Variants in IL15 observed in about 807,000 individuals in gnomAD.
IL15 encodes the protein interleukin-15.
IL15 carries 11 observed loss-of-function variants against 19.6 expected under a neutral mutation model. The ratio of observed to expected loss-of-function variants is 0.56; its 90% CI spans 0.35 to 0.93. IL15 has a LOEUF of 0.93. Among genes scored for constraint, IL15 ranks in the 40% least tolerant of loss-of-function variants. The pLI, the probability that IL15 is intolerant of heterozygous loss-of-function variation, is 0.01. For missense variants in IL15, 197 were observed against 186.5 expected (o/e 1.06, Z -0.33); for synonymous variants, 58 against 59.6 (o/e 0.97, Z 0.12).
chr4:141,714,793 C>T (rs1031507110), intron 2 of IL15: 1 of 152,040 alleles, frequency 6.6e-6, no homozygotes, highest in African/African-American at 2.4e-5. Flanking sequence ...TTTTATAATC[C>T]TTGACCTAAT....
At chr4:141,697,416 C>T (rs896793312) in intron 2 of IL15, among the ~76,000 whole-genome samples, 8 of 151,762 alleles carry the variant, frequency 5.3e-5, no homozygotes, top group Non-Finnish European at 7.4e-5. Flanking sequence ...ACTATATCCT[C>T]GAAGTGTGAT....
At chr4:141,637,264 A>T (rs1560895627) in intron 1 of IL15, 1 of 152,176 alleles carries the variant, frequency 6.6e-6, no homozygotes, top group Non-Finnish European at 1.5e-5. Context: ...CCCGTCCCAA[A>T]CTCATTGTGG....
At chr4:141,662,676 A>C (rs1279565372) in intron 2 of IL15, among the ~76,000 whole-genome samples, 2 of 152,010 alleles carry the variant, frequency 1.3e-5, no homozygotes, top group African/African-American at 4.8e-5. Flanking sequence ...ATTTAATGTA[A>C]TTACCGATGT....
chr4:141,709,060 A>G (rs954197293), intron 2 of IL15, among the ~76,000 whole-genome samples: 39 of 137,520 alleles, frequency 2.8e-4, no homozygotes, highest in Non-Finnish European at 4.9e-4. Flanking sequence ...AAAATTTTCA[A>G]TATTATTCAA....
intron 2 of IL15, among the ~76,000 whole-genome samples, chr4:141,693,392 A>G (rs985679833): frequency 1.3e-5 from 2 of 152,326 alleles, no homozygotes; most frequent in Admixed American, 1.3e-4. Flanking sequence ...TGTGTTGCTT[A>G]TCTATAAATT....
chr4:141,671,323 C>T (rs1321542452), intron 2 of IL15, among the ~76,000 whole-genome samples: 1 of 152,042 alleles, frequency 6.6e-6, no homozygotes, highest in Non-Finnish European at 1.5e-5. Flanking sequence ...AAAAGTACTA[C>T]AAAAATGCTA....
chr4:141,710,980 G>A (rs991971376), intron 2 of IL15, among the ~76,000 whole-genome samples: 1 of 151,984 alleles, frequency 6.6e-6, no homozygotes, highest in Non-Finnish European at 1.5e-5. Context: ...AAAGTACATG[G>A]CTAAATCACT....
rs542690826 is a variant in IL15, at chr4:141,695,548, G to A, written c.-99-23818G>A. Among the ~76,000 whole-genome samples, 13 of 152,036 alleles carry A rather than the reference G, an allele frequency of 8.6e-5. 1 individual carries two copies. The South Asian group carries it at 2.7e-3, about 32-fold the overall frequency. ...GTGCTGCGATAAACATGGGATTTCA[G>A]ATATCTCTTTGATATATTTATTTCA... On this transcript the variant is annotated intron_variant, in intron 2 of 7. Transcript: ENST00000320650.
intron 1 of IL15, among the ~76,000 whole-genome samples, chr4:141,654,586 G>A (rs1265219325): frequency 2.0e-5 from 3 of 152,128 alleles, no homozygotes; most frequent in African/African-American, 7.2e-5. Flanking sequence ...TTCAGTATGT[G>A]CTAATTGAAT....
chr4:141,644,320 G>C (rs1727149725), intron 1 of IL15, among the ~76,000 whole-genome samples: 1 of 152,044 alleles, frequency 6.6e-6, no homozygotes, highest in Admixed American at 6.6e-5. Flanking sequence ...AGAACTTAGT[G>C]ACTTGAATAA....
At chr4:141,657,418 A>T in intron 2 of IL15, among the ~76,000 whole-genome samples, 1 of 152,068 alleles carries the variant, frequency 6.6e-6, no homozygotes, top group South Asian at 2.1e-4. Flanking sequence ...TTTTAATAAT[A>T]AATTAACTTT....
intron 1 of IL15, among the ~76,000 whole-genome samples, chr4:141,637,708 T>C (rs1578978141): frequency 3.9e-5 from 6 of 152,304 alleles, no homozygotes; most frequent in Admixed American, 3.9e-4. Context: ...GATTCTTAAA[T>C]AGGATGAGTC....
chr4:141,706,201 T>C (rs560368021), intron 2 of IL15, among the ~76,000 whole-genome samples: 5 of 152,204 alleles, frequency 3.3e-5, no homozygotes, highest in African/African-American at 1.2e-4. Context: ...CTAAGCTTGG[T>C]TTCTTTTCTC....
chr4:141,722,260 A>C (rs969267268), intron 5 of IL15, among the ~76,000 whole-genome samples: 1 of 152,170 alleles, frequency 6.6e-6, no homozygotes, highest in Non-Finnish European at 1.5e-5. Context: ...CTCTTCCTCT[A>C]TCTGGAGAAG....
Position 141,702,807 on chromosome 4 carries a change from T to C in IL15, c.-99-16559T>C, listed in dbSNP as rs563408455. On this transcript the variant is annotated intron_variant, in intron 2 of 7. Coordinates refer to ENST00000320650, the MANE Select transcript of IL15 (RefSeq NM_000585.5). ...TGGTTTCTTAGGTGATGGACAGGGC[T>C]GTAGAGCTCCCAAAAGTTTATGTTA... is the stretch of plus-strand genomic sequence containing the variant. 1.4e-4 allele frequency among the ~76,000 whole-genome samples: 22 copies of C among 152,326 alleles called. No individual in the cohort carries two copies. The South Asian group carries it at 4.6e-3, about 32-fold the overall frequency.
At chr4:141,672,989 C>A (rs564807112) in intron 2 of IL15, among the ~76,000 whole-genome samples, 8 of 152,266 alleles carry the variant, frequency 5.3e-5, no homozygotes, top group African/African-American at 1.9e-4. Context: ...TCCGCTAATG[C>A]CTCCCAGTAT....
At chr4:141,648,994 T>C (rs888273511) in intron 1 of IL15, among the ~76,000 whole-genome samples, 3 of 152,136 alleles carry the variant, frequency 2.0e-5, no homozygotes, top group Admixed American at 2.0e-4. Flanking sequence ...TAGGAACTTA[T>C]TGTCTCGTGG....
At chr4:141,663,953 C>A (rs903813577) in intron 2 of IL15, among the ~76,000 whole-genome samples, 3 of 152,014 alleles carry the variant, frequency 2.0e-5, no homozygotes, top group African/African-American at 7.2e-5. Flanking sequence ...ATTTTTTGAG[C>A]CCTGAGAATG....
At chr4:141,701,851 G>A (rs1015683408) in intron 2 of IL15, among the ~76,000 whole-genome samples, 4 of 152,126 alleles carry the variant, frequency 2.6e-5, no homozygotes, top group African/African-American at 7.2e-5. Flanking sequence ...CAGATCATAC[G>A]GGCACCTCTT....
Sources: gnomAD v4.1 joint callset for allele counts (sites outside exome capture counted in the v4.1 genomes callset) on GRCh38, gnomAD v4.1.1 for gene constraint, MANE v1.5 for transcripts, NCBI Gene and HGNC (gene_info 2026-07-23, HGNC 2026-07-21) for gene names.